Variants in NODAL observed in about 807,000 individuals in gnomAD.
NODAL encodes nodal homolog.
NODAL carries 12 observed loss-of-function variants against 34.0 expected under a neutral mutation model. The observed-to-expected ratio is 0.35, with a 90% CI of 0.23 to 0.57. The LOEUF (loss-of-function observed/expected upper bound fraction) is 0.57. Ranked by LOEUF, NODAL falls within the 20% of genes least tolerant of loss-of-function variation. The pLI, the probability that NODAL is intolerant of heterozygous loss-of-function variation, is 0.83. For missense variants in NODAL, 390 were observed against 444.2 expected (o/e 0.88, Z 1.10); for synonymous variants, 162 against 186.4 (o/e 0.87, Z 1.07).
chr10:70,437,272 G>A (rs1217199188), intron 1 of NODAL, among the ~76,000 whole-genome samples: 4 of 152,094 alleles, frequency 2.6e-5, no homozygotes, highest in East Asian at 1.9e-4. Flanking sequence ...GAGAAACCCC[G>A]TCTCTACTAA....
intron 1 of NODAL, among the ~76,000 whole-genome samples, chr10:70,447,511 C>A (rs765711523): frequency 4.6e-5 from 7 of 151,998 alleles, no homozygotes; most frequent in Non-Finnish European, 7.4e-5. Flanking sequence ...CATGGTGAGA[C>A]CCTGTCTCTA....
At position 70,435,621 on chromosome 10, in the gene NODAL, T is replaced by TG. The variant is rs772802856; in HGVS notation, c.555dup (p.Thr186HisfsTer92). The TG allele has an allele frequency of 1.2e-6, 2 of 1,613,824 alleles. No homozygotes were observed. Among genetic ancestry groups the TG allele is most frequent in the Non-Finnish European group, 1.7e-6 (2 of 1,179,892 alleles). On this transcript the variant is annotated frameshift_variant, in exon 2 of 3. Transcript: ENST00000287139. LOFTEE classifies it high-confidence loss of function. ...AGGAGCACATTGGTGGCAGGCGGTGTGGGGGGCCGCGGCCAGCACTCTCCA... is the reference window on the plus strand; with the variant it reads ...AGGAGCACATTGGTGGCAGGCGGTGTGGGGGGGCCGCGGCCAGCACTCTCCA...
chr10:70,442,838 C>CT (rs779307093), upstream of NODAL, among the ~76,000 whole-genome samples: 109 of 152,224 alleles, frequency 7.2e-4, no homozygotes, highest in Non-Finnish European at 1.1e-3. Flanking sequence ...AATTTCAGCA[C>CT]TTAGGGAGGA....
intron 1 of NODAL, 114 bp downstream of exon 1, chr10:70,441,361 A>C (rs1424252324): frequency 8.0e-7 from 1 of 1,245,190 alleles, no homozygotes; most frequent in Non-Finnish European, 1.1e-6. Flanking sequence ...GGCGGCTGCA[A>C]ACCCGGCTCG....
At chr10:70,444,743 T>C (rs921267170), upstream of NODAL, among the ~76,000 whole-genome samples, 3 of 152,216 alleles carry the variant, frequency 2.0e-5, no homozygotes, top group Non-Finnish European at 4.4e-5. Context: ...TAGAGATTAC[T>C]CCTCCCATGT....
chr10:70,432,918 T>C lies in NODAL; in HGVS notation c.*18A>G. 6.2e-7 allele frequency: 1 copy of C among 1,613,942 alleles called. No individual in the cohort carries two copies. Among genetic ancestry groups the C allele is most frequent in the Non-Finnish European group, 8.5e-7 (1 of 1,179,824 alleles). ...CCTTCCAGAGTGCAGGCAAATCCAG[T>C]CTCCCTCCAGGATGTCATCAGAGGC... On this transcript the variant is annotated 3_prime_UTR_variant, in exon 3 of 3. Transcript: ENST00000287139.
At chr10:70,437,828 G>C (rs1174455484) in intron 1 of NODAL, among the ~76,000 whole-genome samples, 2 of 152,072 alleles carry the variant, frequency 1.3e-5, no homozygotes, top group African/African-American at 4.8e-5. Flanking sequence ...CCTATCTCCA[G>C]CAGCTCTTTT....
chr10:70,445,648 C>T (rs147294933), upstream of NODAL, among the ~76,000 whole-genome samples: 1,001 of 152,270 alleles, frequency 6.6e-3, 11 homozygotes, highest in African/African-American at 0.023. Flanking sequence ...CTAATAATTG[C>T]ATTGATTTTA....
At chr10:70,447,876 G>T (rs1162200564) in intron 1 of NODAL, 1 of 471,092 alleles carries the variant, frequency 2.1e-6, no homozygotes, top group Non-Finnish European at 4.4e-6. Flanking sequence ...CTACGTGAAT[G>T]AATTCAATCT....
chr10:70,434,649 C>T (rs1747716507), intron 2 of NODAL, among the ~76,000 whole-genome samples: 1 of 152,182 alleles, frequency 6.6e-6, no homozygotes, highest in African/African-American at 2.4e-5. Flanking sequence ...AGGCATGTGC[C>T]ACCGCACCTG....
intron 2 of NODAL, among the ~76,000 whole-genome samples, chr10:70,433,302 G>A (rs1001135220): frequency 5.9e-5 from 9 of 152,028 alleles, no homozygotes; most frequent in Admixed American, 5.2e-4. Flanking sequence ...TGTGAAAACA[G>A]CCTTTAAACA....
intron 2 of NODAL, chr10:70,435,036 A>C: frequency 1.9e-6 from 1 of 515,398 alleles, no homozygotes. Flanking sequence ...ATTTTATGAA[A>C]GACAAGGATA....
chr10:70,434,896 C>A, intron 2 of NODAL: 1 of 224,594 alleles, frequency 4.5e-6, no homozygotes, highest in South Asian at 7.6e-5. Flanking sequence ...AATAAGCAAC[C>A]TAAACAGTAT....
chr10:70,439,463 G>A (rs984879713), intron 1 of NODAL, among the ~76,000 whole-genome samples: 1 of 152,178 alleles, frequency 6.6e-6, no homozygotes, highest in Non-Finnish European at 1.5e-5. Flanking sequence ...TACCATCAGT[G>A]GCTTCCCGTG....
chr10:70,444,024 C>T (rs1845461958), upstream of NODAL, among the ~76,000 whole-genome samples: 1 of 151,074 alleles, frequency 6.6e-6, no homozygotes, highest in African/African-American at 2.4e-5. Context: ...CCTCTGCCTC[C>T]CCGGTTCAAG....
intron 1 of NODAL, among the ~76,000 whole-genome samples, chr10:70,438,208 C>T (rs769591334): frequency 1.4e-4 from 22 of 152,198 alleles, no homozygotes; most frequent in African/African-American, 3.4e-4. Context: ...GCAGGAGAAT[C>T]GCTTGAACCC....
chr10:70,436,432 G>C (rs960355514), intron 1 of NODAL: 28 of 254,656 alleles, frequency 1.1e-4, no homozygotes, highest in Non-Finnish European at 1.9e-4. Context: ...AATTAGCTGG[G>C]CGTGGTGGTT....
chr10:70,443,761 C>T (rs1019606621), upstream of NODAL, among the ~76,000 whole-genome samples: 2 of 151,862 alleles, frequency 1.3e-5, no homozygotes, highest in African/African-American at 2.4e-5. Context: ...ATCGCTTGAA[C>T]CCAGGAGGCG....
At chr10:70,440,105 T>C (rs1845409359) in intron 1 of NODAL, among the ~76,000 whole-genome samples, 1 of 152,010 alleles carries the variant, frequency 6.6e-6, no homozygotes, top group Non-Finnish European at 1.5e-5. Context: ...AAACAGTGTT[T>C]AGCTGAAAGA....
Sources: allele counts gnomAD v4.1 joint callset (sites outside exome capture counted in the v4.1 genomes callset), GRCh38; gene constraint gnomAD v4.1.1; transcripts MANE v1.5; gene names NCBI Gene and HGNC (gene_info 2026-07-23, HGNC 2026-07-21).